The following TLN2 variants were observed in gnomAD, a reference collection of about 807,000 sequenced individuals.
TLN2 encodes talin 2.
A neutral mutation model predicts 294.7 loss-of-function variants in TLN2; 118 were observed. The ratio of observed to expected loss-of-function variants is 0.40; its 90% CI spans 0.34 to 0.47. The LOEUF (loss-of-function observed/expected upper bound fraction) is 0.47, where lower values mean the gene tolerates loss of function less well. Among genes scored for constraint, TLN2 ranks in the 20% least tolerant of loss-of-function variants. The pLI, the probability that TLN2 is intolerant of heterozygous loss-of-function variation, is 0.84. For synonymous variants in TLN2, 1,431 were observed against 1,304.5 expected (o/e 1.10, Z -2.09); for missense variants, 3,083 against 3,282.2 (o/e 0.94, Z 1.48).
intron 15 of TLN2, among the ~76,000 whole-genome samples, chr15:62,698,354 G>A (rs572360782): frequency 3.3e-5 from 5 of 152,280 alleles, no homozygotes; most frequent in South Asian, 2.1e-4. Context: ...TACATTGACC[G>A]TAGATTTAGA....
chr15:62,635,838 C>T (rs1341944270), intron 3 of TLN2, among the ~76,000 whole-genome samples: 1 of 152,006 alleles, frequency 6.6e-6, no homozygotes, highest in East Asian at 1.9e-4. Flanking sequence ...AATAAAAAAC[C>T]ATTTTCCCAT....
At chr15:62,832,581 CA>C (rs1254170732) in intron 54 of TLN2, 4 of 152,206 alleles carry the variant, frequency 2.6e-5, no homozygotes, top group Non-Finnish European at 4.4e-5. Flanking sequence ...GAATTTAGAC[CA>C]GAACCCTAAT....
chr15:62,809,837 A>T, intron 51 of TLN2, 88 bp from the exon 52 acceptor site: 1 of 1,274,714 alleles, frequency 7.8e-7, no homozygotes, highest in Non-Finnish European at 1.1e-6. Context: ...TGAGGTCACC[A>T]GGGTTAAGGT....
At chr15:62,457,169 G>C (rs1349561712) in intron 1 of TLN2, among the ~76,000 whole-genome samples, 3 of 152,214 alleles carry the variant, frequency 2.0e-5, no homozygotes, top group African/African-American at 7.2e-5. Flanking sequence ...TGAGATCAGG[G>C]TGCTAGCATG....
Position 62,539,810 on chromosome 15 carries a change from T to A in TLN2, c.-237-49877T>A, listed in dbSNP as rs182466457. 1.3e-4 allele frequency among the ~76,000 whole-genome samples: 20 copies of A among 152,204 alleles called. 1 individual carries two copies. In the East Asian group the frequency reaches 3.9e-3, roughly 29 times the overall value. The stretch of plus-strand genomic sequence containing the variant: ...CATCATCTACCCTTTTGTTTGCTTC[T>A]TTTATTTATTAAACACTAACTGAAG... On this transcript the variant is annotated intron_variant, in intron 1 of 58. Transcript: ENST00000636159.
At chr15:62,755,824 G>A in intron 37 of TLN2, 131 bp downstream of exon 37, 2 of 1,255,160 alleles carry the variant, frequency 1.6e-6, no homozygotes, top group Non-Finnish European at 2.2e-6. Context: ...CTTATGGTTT[G>A]TGTCACTGAA....
At chr15:62,697,647 G>T in intron 14 of TLN2, 41 bp from the exon 15 acceptor site, 1 of 1,568,598 alleles carries the variant, frequency 6.4e-7, no homozygotes. Flanking sequence ...CACTCCACAT[G>T]GCTGGTGTTC....
chr15:62,766,909 C>G (rs1388008999), intron 41 of TLN2, among the ~76,000 whole-genome samples: 1 of 152,200 alleles, frequency 6.6e-6, no homozygotes, highest in Non-Finnish European at 1.5e-5. Flanking sequence ...CCCTAGGTGT[C>G]CACTCCAGGG....
intron 14 of TLN2, 63 bp downstream of exon 14, chr15:62,694,455 C>A (rs2058179600): frequency 1.5e-6 from 2 of 1,373,030 alleles, no homozygotes; most frequent in Middle Eastern, 1.8e-4. Flanking sequence ...TTCCTCTTGC[C>A]AGCTTGGAGC....
At position 62,776,833 on chromosome 15, in the gene TLN2, G is replaced by A. The variant is rs1488882737; in HGVS notation, c.5437G>A (p.Val1813Met). 1.2e-6 allele frequency: 2 copies of A among 1,602,300 alleles called. No homozygotes were observed. Among genetic ancestry groups the A allele is most frequent in the South Asian group, 1.1e-5 (1 of 89,654 alleles). Reference protein sequence around the residue: ...LMKEAVDDIMVTLNEAASEVG... With the variant: ...LMKEAVDDIMMTLNEAASEVG... ...GAAGGAAGCCGTGGATGACATCATGGTGACGCTGAACGAAGCTGCCAGTGA... is the reference window on the plus strand; with the variant it reads ...GAAGGAAGCCGTGGATGACATCATGATGACGCTGAACGAAGCTGCCAGTGA... The change falls in exon 43 of 59, where the codon GTG becomes ATG. Residue 1813 changes from valine (V) to methionine (M), a missense_variant. Val to Met is a conservative substitution (Grantham distance 21). Coordinates refer to ENST00000636159, the MANE Select transcript of TLN2 (RefSeq NM_015059.3).
intron 1 of TLN2, among the ~76,000 whole-genome samples, chr15:62,403,762 C>T (rs568312867): frequency 3.9e-5 from 6 of 152,314 alleles, no homozygotes; most frequent in Non-Finnish European, 7.4e-5. Flanking sequence ...TGGGGGCGCT[C>T]TCTCACCTTT....
At chr15:62,582,254 G>GCACACCC (rs2045185246) in intron 1 of TLN2, among the ~76,000 whole-genome samples, 1 of 39,852 alleles carries the variant, frequency 2.5e-5, no homozygotes, top group South Asian at 8.7e-4. Flanking sequence ...ACACATTCAT[G>GCACACCC]CCTGACCCAT....
intron 52 of TLN2, among the ~76,000 whole-genome samples, chr15:62,811,478 G>A (rs1828270702): frequency 6.6e-6 from 1 of 152,130 alleles, no homozygotes; most frequent in Non-Finnish European, 1.5e-5. Context: ...TTTTCATTAT[G>A]GAACAGTATA....
intron 1 of TLN2, among the ~76,000 whole-genome samples, chr15:62,481,484 T>G (rs915507258): frequency 2.6e-5 from 4 of 152,168 alleles, no homozygotes; most frequent in Non-Finnish European, 1.5e-5. Context: ...TGCCTCAGCT[T>G]CTTGAGTAGC....
chr15:62,408,411 C>T (rs2033558099), intron 1 of TLN2, among the ~76,000 whole-genome samples: 1 of 152,152 alleles, frequency 6.6e-6, no homozygotes, highest in Admixed American at 6.5e-5. Flanking sequence ...CTAAGATGGG[C>T]CCCCAAAATT....
In TLN2 at chr15:62,797,256, G is replaced by C. The variant is rs202071126; in HGVS notation, c.6088G>C (p.Asp2030His). The C allele has an allele frequency of 3.3e-5, 53 of 1,613,966 alleles. No homozygotes were observed. The highest frequency in any genetic ancestry group is 5.1e-6 in the Non-Finnish European group (6 of 1,180,042). Residue 2030 changes from aspartate to histidine, a missense_variant, in exon 48 of 59, where the codon GAC (aspartate) becomes CAC (histidine). Transcript: ENST00000636159. ...ILKTAKALVE[D>H]TKLLVSGAAS... ...CAAGACGGCCAAGGCCTTGGTAGAA[G>C]ACACGAAACTACTTGTGTCAGGAGC...
chr15:62,517,317 A>G (rs900651697), intron 1 of TLN2, among the ~76,000 whole-genome samples: 2 of 152,238 alleles, frequency 1.3e-5, no homozygotes, highest in Non-Finnish European at 2.9e-5. Flanking sequence ...GTTAGTAGAA[A>G]ATCACAGTAA....
intron 34 of TLN2, among the ~76,000 whole-genome samples, chr15:62,750,702 C>T (rs2061888259): frequency 6.6e-6 from 1 of 152,156 alleles, no homozygotes; most frequent in African/African-American, 2.4e-5. Context: ...TACAGATTGC[C>T]TACCCCCAAG....
chr15:62,416,124 C>A (rs1380832820), intron 1 of TLN2, among the ~76,000 whole-genome samples: 2 of 152,030 alleles, frequency 1.3e-5, no homozygotes, highest in Non-Finnish European at 2.9e-5. Flanking sequence ...CATGGGGAGA[C>A]CCTGTCTCTA....
Sources: gnomAD v4.1 joint callset for allele counts (sites outside exome capture counted in the v4.1 genomes callset) on GRCh38, gnomAD v4.1.1 for gene constraint, MANE v1.5 for transcripts, NCBI Gene and HGNC (gene_info 2026-07-23, HGNC 2026-07-21) for gene names.